The following TFCP2 variants were observed in gnomAD, a reference collection of about 807,000 sequenced individuals.
The protein encoded by TFCP2 is alpha-globin transcription factor CP2.
In TFCP2, 33 loss-of-function variants were observed where a neutral mutation model predicts 73.4. The ratio of observed to expected loss-of-function variants is 0.45; its 90% CI spans 0.34 to 0.60. The LOEUF is 0.60. Among genes scored for constraint, TFCP2 ranks in the 20% least tolerant of loss-of-function variants. TFCP2 has a pLI of 0.01. For synonymous variants in TFCP2, 193 were observed against 211.6 expected (o/e 0.91, Z 0.76); for missense variants, 352 against 604.0 (o/e 0.58, Z 4.37).
At chr12:51,107,087 T>A in intron 7 of TFCP2, 149 bp downstream of exon 7, 1 of 688,376 alleles carries the variant, frequency 1.5e-6, no homozygotes, top group Non-Finnish European at 2.5e-6. Context: ...TCTAAAGCAA[T>A]CTTCCTGTTA....
intron 4 of TFCP2, among the ~76,000 whole-genome samples, chr12:51,113,963 A>C (rs1940458852): frequency 6.6e-6 from 1 of 152,194 alleles, no homozygotes; most frequent in South Asian, 2.1e-4. Flanking sequence ...TGTGACCTGA[A>C]TATAAGACCT....
intron 1 of TFCP2, among the ~76,000 whole-genome samples, chr12:51,165,299 T>G (rs1303308688): frequency 6.6e-6 from 1 of 152,074 alleles, no homozygotes; most frequent in East Asian, 1.9e-4. Context: ...AACAGTACAT[T>G]AAAAAGATTA....
chr12:51,171,454 T>C (rs554364074), intron 1 of TFCP2, among the ~76,000 whole-genome samples: 4 of 152,334 alleles, frequency 2.6e-5, no homozygotes, highest in African/African-American at 9.6e-5. Context: ...CTCTGCTCAC[T>C]GCAACCTCCG....
At chr12:51,151,858 T>A (rs1259947796) in intron 1 of TFCP2, among the ~76,000 whole-genome samples, 1 of 152,162 alleles carries the variant, frequency 6.6e-6, no homozygotes, top group Non-Finnish European at 1.5e-5. Flanking sequence ...TTCAATAAAG[T>A]AAGAATCTAT....
intron 1 of TFCP2, among the ~76,000 whole-genome samples, chr12:51,153,254 T>C (rs776365137): frequency 1.3e-5 from 2 of 152,098 alleles, no homozygotes; most frequent in Admixed American, 6.5e-5. Flanking sequence ...TGCACACCTG[T>C]AGTCCCAGCT....
chr12:51,146,342 T>C (rs1941299725), intron 1 of TFCP2, among the ~76,000 whole-genome samples: 1 of 151,866 alleles, frequency 6.6e-6, no homozygotes, highest in Admixed American at 6.6e-5. Context: ...TTAAGATTCC[T>C]ATAAATTAAT....
rs530894759 is a variant in TFCP2, at chr12:51,105,313, C to G, written c.918-1110G>C. On this transcript the variant is annotated intron_variant, in intron 8 of 14. Transcript: ENST00000257915. ...TTCACCATGTTGGCCAGGCTGGTCT[C>G]GAACTCCTGACATCGTAATCTGCCC... Among the ~76,000 whole-genome samples the G allele has an allele frequency of 2.2e-3, 330 of 152,028 alleles. 2 individuals are homozygous for G. The highest frequency in any genetic ancestry group is 7.6e-3 in the African/African-American group (316 of 41,472).
At chr12:51,148,870 C>T (rs1199642373) in intron 1 of TFCP2, among the ~76,000 whole-genome samples, 1 of 150,372 alleles carries the variant, frequency 6.7e-6, no homozygotes, top group East Asian at 2.0e-4. Flanking sequence ...ACTAAAAATA[C>T]AAAAATTAGC....
chr12:51,166,139 A>G (rs1941753857), intron 1 of TFCP2, among the ~76,000 whole-genome samples: 2 of 151,902 alleles, frequency 1.3e-5, no homozygotes, highest in African/African-American at 4.8e-5. Flanking sequence ...ACATGGTGAA[A>G]CCCCGTCTCT....
intron 1 of TFCP2, among the ~76,000 whole-genome samples, chr12:51,134,568 G>T (rs1025397498): frequency 6.6e-6 from 1 of 152,138 alleles, no homozygotes; most frequent in African/African-American, 2.4e-5. Context: ...TTACAGGCAT[G>T]AGCCACCCCG....
chr12:51,121,268 A>G (rs986236151), intron 1 of TFCP2, among the ~76,000 whole-genome samples: 2 of 151,846 alleles, frequency 1.3e-5, no homozygotes, highest in African/African-American at 4.8e-5. Flanking sequence ...TAAAAGTACA[A>G]AAATTAGCCG....
chr12:51,115,681 G>A (rs1361504458), intron 4 of TFCP2, among the ~76,000 whole-genome samples: 1 of 152,188 alleles, frequency 6.6e-6, no homozygotes, highest in Non-Finnish European at 1.5e-5. Context: ...GATAAACAAA[G>A]TGTGATATAT....
intron 1 of TFCP2, among the ~76,000 whole-genome samples, chr12:51,123,351 C>T (rs1371810520): frequency 1.3e-5 from 2 of 152,264 alleles, no homozygotes; most frequent in South Asian, 2.1e-4. Context: ...TTCCACATTC[C>T]TAGAGATAGA....
intron 1 of TFCP2, among the ~76,000 whole-genome samples, chr12:51,164,149 A>G (rs1941704891): frequency 1.3e-5 from 2 of 152,164 alleles, no homozygotes; most frequent in Admixed American, 6.6e-5. Flanking sequence ...GTTGCAGTGC[A>G]TATGATCACA....
chr12:51,121,374 GTA>G (rs1940668139), intron 1 of TFCP2, among the ~76,000 whole-genome samples: 2 of 151,094 alleles, frequency 1.3e-5, no homozygotes, highest in Admixed American at 6.6e-5. Flanking sequence ...AGCCAAGATC[GTA>G]CCACTGCACT....
intron 1 of TFCP2, among the ~76,000 whole-genome samples, chr12:51,148,022 A>G (rs1166476909): frequency 2.6e-5 from 4 of 152,240 alleles, no homozygotes; most frequent in African/African-American, 9.6e-5. Flanking sequence ...CAAATAGCCA[A>G]CAAGCATATG....
intron 1 of TFCP2, among the ~76,000 whole-genome samples, chr12:51,164,239 CAAG>C (rs1258115842): frequency 1.3e-5 from 2 of 151,768 alleles, no homozygotes; most frequent in Non-Finnish European, 1.5e-5. Context: ...CCACAAAAAC[CAAG>C]AAGAATAAAA....
At chr12:51,125,374 A>G in intron 1 of TFCP2, 1 of 481,046 alleles carries the variant, frequency 2.1e-6, no homozygotes, top group Non-Finnish European at 4.1e-6. Flanking sequence ...GGCCAAGCCA[A>G]ACTTACCGTG....
intron 9 of TFCP2, 138 bp from the exon 10 acceptor site, chr12:51,103,901 G>T: frequency 1.3e-6 from 1 of 746,932 alleles, no homozygotes. Flanking sequence ...CTCCAACCAT[G>T]CAAGATGCTC....
Sources: allele counts gnomAD v4.1 joint callset (sites outside exome capture counted in the v4.1 genomes callset), GRCh38; gene constraint gnomAD v4.1.1; transcripts MANE v1.5; gene names NCBI Gene and HGNC (gene_info 2026-07-23, HGNC 2026-07-21).